EPHB1: variants seen among roughly 807,000 people sequenced by gnomAD.
The protein encoded by EPHB1 is EPH receptor B1.
In EPHB1, 30 loss-of-function variants were observed where a neutral mutation model predicts 94.4. The ratio of observed to expected loss-of-function variants is 0.32; its 90% CI spans 0.24 to 0.43. The LOEUF (loss-of-function observed/expected upper bound fraction) is 0.43, where lower values mean the gene tolerates loss of function less well. EPHB1 is among the 20% of genes least tolerant of loss of function. The probability of loss-of-function intolerance (pLI) is 1.00; values close to 1 mark genes in which losing one functional copy is unlikely to be tolerated. For missense variants in EPHB1, 1,055 were observed against 1,308.3 expected (o/e 0.81, Z 2.99); for synonymous variants, 522 against 489.1 (o/e 1.07, Z -0.89).
chr3:134,850,486 C>A (rs953604736), intron 1 of EPHB1, among the ~76,000 whole-genome samples: 2 of 152,194 alleles, frequency 1.3e-5, no homozygotes, highest in Non-Finnish European at 2.9e-5. Context: ...TCTCTCCCGG[C>A]CTGAGGGAAA....
intron 2 of EPHB1, among the ~76,000 whole-genome samples, chr3:134,932,521 A>G (rs1354971468): frequency 1.3e-5 from 2 of 152,206 alleles, no homozygotes; most frequent in Admixed American, 6.5e-5. Flanking sequence ...CCTGGCATCA[A>G]ATAAACTGGC....
chr3:135,257,572 C>T (rs563064037), intron 15 of EPHB1, among the ~76,000 whole-genome samples: 41 of 152,108 alleles, frequency 2.7e-4, no homozygotes, highest in African/African-American at 9.4e-4. Flanking sequence ...GCAGTCTGCC[C>T]GTTCTCAGAT....
intron 1 of EPHB1, among the ~76,000 whole-genome samples, chr3:134,802,089 A>G (rs1461572685): frequency 6.6e-6 from 1 of 152,116 alleles, no homozygotes; most frequent in Non-Finnish European, 1.5e-5. Context: ...TGGTAGAGAG[A>G]GTAGCAGGGA....
chr3:134,807,972 A>G (rs1382663964), intron 1 of EPHB1, among the ~76,000 whole-genome samples: 1 of 152,170 alleles, frequency 6.6e-6, no homozygotes, highest in Non-Finnish European at 1.5e-5. Flanking sequence ...CTCCTCTTAA[A>G]CATCATCTGC....
At chr3:134,819,479 G>A (rs74946572) in intron 1 of EPHB1, among the ~76,000 whole-genome samples, 2,981 of 152,258 alleles carry the variant, frequency 0.02, 82 homozygotes, top group African/African-American at 0.069. Flanking sequence ...TATAAAATGG[G>A]AATGAATCAT....
At chr3:135,045,704 A>C (rs969157736) in intron 3 of EPHB1, among the ~76,000 whole-genome samples, 1 of 152,214 alleles carries the variant, frequency 6.6e-6, no homozygotes, top group African/African-American at 2.4e-5. Context: ...GCTTCCCACT[A>C]TTTAAGAGTT....
chr3:135,106,870 T>C (rs541496214), intron 4 of EPHB1, among the ~76,000 whole-genome samples: 14 of 152,176 alleles, frequency 9.2e-5, no homozygotes, highest in Non-Finnish European at 1.6e-4. Context: ...ATAACTTCTG[T>C]TCATCAGATG....
intron 1 of EPHB1, among the ~76,000 whole-genome samples, chr3:134,827,531 T>C (rs1169036906): frequency 6.6e-6 from 1 of 152,250 alleles, no homozygotes; most frequent in African/African-American, 2.4e-5. Context: ...AGCTCTCCTA[T>C]CATGATCATC....
intron 3 of EPHB1, among the ~76,000 whole-genome samples, chr3:135,077,408 C>T (rs149934461): frequency 3.9e-5 from 6 of 152,356 alleles, no homozygotes; most frequent in Non-Finnish European, 7.3e-5. Flanking sequence ...GACTTGCAGT[C>T]ACAGACTTGC....
intron 1 of EPHB1, among the ~76,000 whole-genome samples, chr3:134,825,083 C>G (rs7633831): frequency 0.011 from 1,744 of 152,290 alleles, 32 homozygotes; most frequent in African/African-American, 0.04. Flanking sequence ...ATAACAGGAA[C>G]ACAAGCAGTC....
intron 3 of EPHB1, among the ~76,000 whole-genome samples, chr3:135,094,330 C>T (rs1375643877): frequency 6.6e-6 from 1 of 152,228 alleles, no homozygotes. Flanking sequence ...CCACTGGTCC[C>T]TTACTTCCCT....
chr3:135,171,779 A>G (rs1426735563), intron 9 of EPHB1, among the ~76,000 whole-genome samples: 1 of 152,228 alleles, frequency 6.6e-6, no homozygotes, highest in Non-Finnish European at 1.5e-5. Context: ...AGTATTGCAC[A>G]CTTACTCTGT....
chr3:135,144,537 A>G (rs1183348119), intron 5 of EPHB1, among the ~76,000 whole-genome samples: 2 of 152,136 alleles, frequency 1.3e-5, no homozygotes, highest in Admixed American at 1.3e-4. Flanking sequence ...TGATCCCAAT[A>G]AAGAATGCCA....
chr3:135,166,108 G>A, intron 8 of EPHB1, 32 bp downstream of exon 8: 4 of 1,557,188 alleles, frequency 2.6e-6, no homozygotes, highest in African/African-American at 1.4e-5. Context: ...GCTCTCCTTG[G>A]ACCCAGGAAG....
rs915867274 is a variant in EPHB1, at chr3:135,233,818, T to C, written c.2347-7330T>C. 3.3e-5 allele frequency among the ~76,000 whole-genome samples: 5 copies of C among 152,324 alleles called. No individual in the cohort carries two copies. In the East Asian group the frequency reaches 9.6e-4, roughly 29 times the overall value. ...CCGCACACTCACAGGACCAACATCA[T>C]GTGGAAGCTGCCAAGGCTTGGGACT... is the stretch of plus-strand genomic sequence containing the variant. On this transcript the variant is annotated intron_variant, in intron 12 of 15. Transcript: ENST00000398015.
At chr3:134,934,807 A>G (rs1173598928) in intron 2 of EPHB1, among the ~76,000 whole-genome samples, 1 of 152,064 alleles carries the variant, frequency 6.6e-6, no homozygotes, top group Admixed American at 6.5e-5. Flanking sequence ...TGTCTGGCAT[A>G]TTTATTTTCT....
At chr3:135,126,439 A>T (rs561072410) in intron 4 of EPHB1, among the ~76,000 whole-genome samples, 1 of 152,278 alleles carries the variant, frequency 6.6e-6, no homozygotes, top group South Asian at 2.1e-4. Flanking sequence ...TCAGGGGAGG[A>T]CAATGAATAC....
In EPHB1 at chr3:135,132,922, C is replaced by T. The variant is rs778438458; in HGVS notation, c.1170C>T (p.Arg390=). The T allele has an allele frequency of 1.4e-5, 22 of 1,613,904 alleles. No individual in the cohort carries two copies. The highest frequency in any genetic ancestry group is 8.8e-5 in the South Asian group (8 of 91,084). ...VPRQLGLTEC[R]VSISSLWAHT... Reference sequence around the variant, plus strand: ...GGCAGCTGGGCCTGACGGAGTGCCGCGTCTCCATCAGCAGCCTGTGGGCCC... The same window carrying T: ...GGCAGCTGGGCCTGACGGAGTGCCGTGTCTCCATCAGCAGCCTGTGGGCCC... Residue 390 remains arginine (R), a synonymous_variant, in exon 5 of 16, where the codon CGC becomes CGT. Coordinates refer to ENST00000398015, the MANE Select transcript of EPHB1 (RefSeq NM_004441.5).
At chr3:135,014,669 C>T (rs1280479246) in intron 3 of EPHB1, among the ~76,000 whole-genome samples, 3 of 152,128 alleles carry the variant, frequency 2.0e-5, no homozygotes, top group African/African-American at 7.2e-5. Flanking sequence ...ACATGCCTGC[C>T]CAGCGTCCAG....
Sources: allele counts gnomAD v4.1 joint callset (sites outside exome capture counted in the v4.1 genomes callset), GRCh38; gene constraint gnomAD v4.1.1; transcripts MANE v1.5; gene names NCBI Gene and HGNC (gene_info 2026-07-23, HGNC 2026-07-21).